Variants in DOK5 observed in about 807,000 individuals in gnomAD.
The protein encoded by DOK5 is downstream of tyrosine kinase 5.
A neutral mutation model predicts 43.3 loss-of-function variants in DOK5; 27 were observed. The ratio of observed to expected loss-of-function variants is 0.62; its 90% CI spans 0.46 to 0.86. The LOEUF (loss-of-function observed/expected upper bound fraction) is 0.86. Ranked by LOEUF, DOK5 falls within the 40% of genes least tolerant of loss-of-function variation. DOK5 has a pLI of 0.00. For synonymous variants in DOK5, 146 were observed against 140.1 expected (o/e 1.04, Z -0.30); for missense variants, 373 against 392.9 (o/e 0.95, Z 0.43).
At chr20:54,556,742 C>T (rs1438457992) in intron 2 of DOK5, among the ~76,000 whole-genome samples, 1 of 152,174 alleles carries the variant, frequency 6.6e-6, no homozygotes, top group East Asian at 1.9e-4. Context: ...TCTTGAGAAC[C>T]TTAGCCGGTC....
intron 1 of DOK5, among the ~76,000 whole-genome samples, chr20:54,508,152 A>G (rs1157494858): frequency 6.6e-6 from 1 of 152,148 alleles, no homozygotes; most frequent in Non-Finnish European, 1.5e-5. Context: ...TTTTAGACCC[A>G]TAGACTTCAA....
intron 2 of DOK5, among the ~76,000 whole-genome samples, chr20:54,568,932 AAAAT>A (rs373240230): frequency 6.7e-6 from 1 of 149,936 alleles, no homozygotes; most frequent in Non-Finnish European, 1.5e-5. Context: ...ACTCTATCTC[AAAAT>A]AAATAAATAA....
chr20:54,642,960 C>T (rs1979195516), intron 6 of DOK5, among the ~76,000 whole-genome samples: 1 of 152,218 alleles, frequency 6.6e-6, no homozygotes, highest in Admixed American at 6.5e-5. Flanking sequence ...AGCCTCTTAA[C>T]AACTCCACGA....
intron 1 of DOK5, among the ~76,000 whole-genome samples, chr20:54,538,088 C>T (rs932713444): frequency 7.2e-5 from 11 of 152,120 alleles, no homozygotes; most frequent in South Asian, 6.2e-4. Context: ...CCTCCCGACT[C>T]GGCCTCCCAA....
chr20:54,497,298 C>G (rs1317401606), intron 1 of DOK5, among the ~76,000 whole-genome samples: 2 of 152,228 alleles, frequency 1.3e-5, no homozygotes, highest in African/African-American at 4.8e-5. Flanking sequence ...TGTAGAGACA[C>G]TGCTTCATGC....
intron 1 of DOK5, among the ~76,000 whole-genome samples, chr20:54,515,323 G>A (rs916284243): frequency 2.7e-4 from 41 of 152,126 alleles, no homozygotes; most frequent in African/African-American, 9.2e-4. Context: ...AGTTATGACT[G>A]ATTTTATAAC....
At chr20:54,503,243 T>G (rs1300997053) in intron 1 of DOK5, among the ~76,000 whole-genome samples, 1 of 152,210 alleles carries the variant, frequency 6.6e-6, no homozygotes, top group Non-Finnish European at 1.5e-5. Flanking sequence ...AAATTAATAT[T>G]AACTATAAAA....
chr20:54,525,096 A>G (rs545854198), intron 1 of DOK5, among the ~76,000 whole-genome samples: 1 of 152,304 alleles, frequency 6.6e-6, no homozygotes, highest in East Asian at 1.9e-4. Context: ...CACTTGTGTT[A>G]TTTATAGTGG....
At chr20:54,579,834 A>G (rs6098098) in intron 2 of DOK5, among the ~76,000 whole-genome samples, 1 of 151,758 alleles carries the variant, frequency 6.6e-6, no homozygotes, top group Non-Finnish European at 1.5e-5. Context: ...CAGAATGTGC[A>G]GTTTTGTTAC....
At chr20:54,569,314 C>T (rs1366080155) in intron 2 of DOK5, among the ~76,000 whole-genome samples, 1 of 152,108 alleles carries the variant, frequency 6.6e-6, no homozygotes, top group African/African-American at 2.4e-5. Flanking sequence ...ACGAATTGCC[C>T]TAGTCCCCTT....
chr20:54,566,024 A>AC (rs1985085374), intron 2 of DOK5, among the ~76,000 whole-genome samples: 1 of 151,812 alleles, frequency 6.6e-6, no homozygotes, highest in African/African-American at 2.4e-5. Flanking sequence ...CTCAAAAAAA[A>AC]AAAAAAAACC....
intron 2 of DOK5, among the ~76,000 whole-genome samples, chr20:54,580,565 T>G (rs1985606659): frequency 6.6e-6 from 1 of 152,072 alleles, no homozygotes; most frequent in Non-Finnish European, 1.5e-5. Context: ...TCCTAAGAGA[T>G]AGGAGGATGT....
At chr20:54,558,672 A>C (rs970005319) in intron 2 of DOK5, among the ~76,000 whole-genome samples, 1 of 152,212 alleles carries the variant, frequency 6.6e-6, no homozygotes, top group Admixed American at 6.5e-5. Flanking sequence ...TTCCAAAAGA[A>C]ATGAGGAAAT....
rs371976946 is a variant in DOK5, at chr20:54,515,101, C to G, written c.66+39089C>G. Reference sequence around the variant, plus strand: ...TCTTGACTCACTGTAATCTCCGCCTCCCAGGTTCAAGCAATTCTCCTGCCT... The same window carrying G: ...TCTTGACTCACTGTAATCTCCGCCTGCCAGGTTCAAGCAATTCTCCTGCCT... On this transcript the variant is annotated intron_variant, in intron 1 of 7. Coordinates refer to ENST00000262593, the MANE Select transcript of DOK5 (RefSeq NM_018431.5). 8.5e-5 allele frequency among the ~76,000 whole-genome samples: 13 copies of G among 152,136 alleles called. No individual in the cohort carries two copies. In the East Asian group the frequency reaches 1.5e-3, roughly 18 times the overall value.
intron 6 of DOK5, among the ~76,000 whole-genome samples, chr20:54,634,319 T>C (rs115493944): frequency 0.24 from 5,013 of 21,310 alleles, 168 homozygotes; most frequent in African/African-American, 0.37. Context: ...GACGGCAGGG[T>C]GGGGGCGGGG....
chr20:54,541,320 C>T (rs920722584), intron 1 of DOK5, among the ~76,000 whole-genome samples: 4 of 152,210 alleles, frequency 2.6e-5, no homozygotes, highest in Non-Finnish European at 5.9e-5. Flanking sequence ...CCCCGACCTG[C>T]GCCTTTCCTG....
intron 1 of DOK5, among the ~76,000 whole-genome samples, chr20:54,540,222 C>T (rs1984105480): frequency 6.6e-6 from 1 of 151,984 alleles, no homozygotes; most frequent in Non-Finnish European, 1.5e-5. Context: ...TAGTCTATCA[C>T]CATTATGACC....
In DOK5 at chr20:54,623,034, G is replaced by A. The variant is rs6014088; in HGVS notation, c.735+12511G>A. Among the ~76,000 whole-genome samples the A allele has an allele frequency of 5.6e-3, 860 of 152,270 alleles. 6 individuals carry two copies. Among genetic ancestry groups the A allele is most frequent in the African/African-American group, 0.018 (730 of 41,554 alleles). On this transcript the variant is annotated intron_variant, in intron 6 of 7. Coordinates refer to ENST00000262593, the MANE Select transcript of DOK5 (RefSeq NM_018431.5). ...CTGTACTCCTGTGAAGCCAGCCCCA[G>A]TGAAGAGTTATGCCTGGGGAACATA...
intron 2 of DOK5, among the ~76,000 whole-genome samples, chr20:54,565,722 A>T (rs1345925032): frequency 6.6e-6 from 1 of 151,992 alleles, no homozygotes; most frequent in Non-Finnish European, 1.5e-5. Flanking sequence ...ATCCATCACC[A>T]CATTAAGATA....
Sources: allele counts gnomAD v4.1 joint callset (sites outside exome capture counted in the v4.1 genomes callset), GRCh38; gene constraint gnomAD v4.1.1; transcripts MANE v1.5; gene names NCBI Gene and HGNC (gene_info 2026-07-23, HGNC 2026-07-21).